Variants in RAB3IL1 observed in about 807,000 individuals in gnomAD.
RAB3IL1 encodes RAB3A interacting protein like 1, also known as guanine nucleotide exchange factor for Rab-3A.
RAB3IL1 carries 37 observed loss-of-function variants against 49.2 expected under a neutral mutation model. The observed-to-expected ratio is 0.75, with a 90% CI of 0.58 to 0.99. RAB3IL1 has a LOEUF of 0.99. Among genes scored for constraint, RAB3IL1 ranks in the 50% least tolerant of loss-of-function variants. RAB3IL1 has a pLI of 0.00. For missense variants in RAB3IL1, 484 were observed against 513.0 expected, an observed-to-expected ratio of 0.94 and a Z score of 0.55; for synonymous variants, 193 against 213.9, an observed-to-expected ratio of 0.90 and a Z score of 0.85.
chr11:61,935,435 A>AAG, the RAB3IL1 span, among the ~76,000 whole-genome samples: 9 of 144,924 alleles, frequency 6.2e-5, no homozygotes, highest in Non-Finnish European at 1.1e-4. Flanking sequence ...AAAAAAAAAA[A>AAG]AAAGAAAGAA....
chr11:61,934,450 G>GTGTATGTATGTATATATATA, the RAB3IL1 span, among the ~76,000 whole-genome samples: 100 of 31,278 alleles, frequency 3.2e-3, 2 homozygotes, highest in Non-Finnish European at 3.8e-3. Flanking sequence ...GTGTGTGTAT[G>GTGTATGTATGTATATATATA]TATATATATA....
chr11:61,914,910 G>C (rs1391695202), intron 1 of RAB3IL1, among the ~76,000 whole-genome samples: 4 of 152,180 alleles, frequency 2.6e-5, no homozygotes, highest in Non-Finnish European at 5.9e-5. Flanking sequence ...ATCAGACTTG[G>C]TCAGAGTAAC....
At chr11:61,917,235 C>CG in intron 1 of RAB3IL1, 122 bp downstream of exon 1, 1 of 1,278,430 alleles carries the variant, frequency 7.8e-7, no homozygotes. Flanking sequence ...GCAGGCAGGG[C>CG]GGGGGCGCAC....
At chr11:61,926,035 A>C in the RAB3IL1 span, among the ~76,000 whole-genome samples, 1 of 145,382 alleles carries the variant, frequency 6.9e-6, no homozygotes, top group South Asian at 2.2e-4. Context: ...TTTTGAAGAG[A>C]TCTTAACAGA....
At chr11:61,935,237 T>C in the RAB3IL1 span, among the ~76,000 whole-genome samples, 1 of 151,976 alleles carries the variant, frequency 6.6e-6, no homozygotes, top group African/African-American at 2.4e-5. Context: ...CTGGCCAAGA[T>C]GTTGAAACCC....
At chr11:61,920,085 AG>A, upstream of RAB3IL1, 1 of 1,308,608 alleles carries the variant, frequency 7.6e-7, no homozygotes, top group Non-Finnish European at 9.8e-7. Flanking sequence ...CCTCAAGTAC[AG>A]GGCACAGGCC....
intron 1 of RAB3IL1, among the ~76,000 whole-genome samples, chr11:61,914,464 AG>A (rs1169073462): frequency 3.9e-5 from 6 of 152,378 alleles, no homozygotes; most frequent in African/African-American, 1.4e-4. Flanking sequence ...TGTTAGATAC[AG>A]AAGTACTCAA....
the RAB3IL1 span, among the ~76,000 whole-genome samples, chr11:61,932,769 A>ATT: frequency 0.084 from 11,300 of 133,948 alleles, 1,117 homozygotes; most frequent in East Asian, 0.53. Context: ...ACTATAGTTC[A>ATT]TTTTTTTTTT....
At chr11:61,904,984 G>T in intron 5 of RAB3IL1, 102 bp from the exon 6 acceptor site, 1 of 859,922 alleles carries the variant, frequency 1.2e-6, no homozygotes, top group Non-Finnish European at 1.8e-6. Context: ...CGTGGGGCAG[G>T]CCCAGCAAGC....
chr11:61,942,572 C>T, the RAB3IL1 span, among the ~76,000 whole-genome samples: 2 of 152,124 alleles, frequency 1.3e-5, no homozygotes, highest in South Asian at 2.1e-4. Context: ...CTGCACCTGG[C>T]AAATTATGAC....
chr11:61,911,761 C>A (rs977972328), intron 1 of RAB3IL1, among the ~76,000 whole-genome samples: 1 of 152,192 alleles, frequency 6.6e-6, no homozygotes, highest in Non-Finnish European at 1.5e-5. Context: ...ACCCAGCCAA[C>A]ATCCCCCATC....
chr11:61,940,814 G>T, the RAB3IL1 span, among the ~76,000 whole-genome samples: 1 of 152,086 alleles, frequency 6.6e-6, no homozygotes, highest in East Asian at 1.9e-4. Context: ...CAGCTACTCA[G>T]GAGGCTGAGG....
rs1308612956 is a variant in RAB3IL1 at position 61,902,432 on chromosome 11, G to C, written c.999+10C>G. On this transcript the variant is annotated intron_variant, in intron 8 of 9. Transcript: ENST00000394836. ...AAGGAGTCAAGTAACGCTTGCAAAG[G>C]CTGACTCACCCTGGCCCGGGAAGAT... The C allele has an allele frequency of 6.3e-7, 1 of 1,578,482 alleles. No homozygotes were observed. Among genetic ancestry groups the C allele is most frequent in the Non-Finnish European group, 8.6e-7 (1 of 1,163,112 alleles).
upstream of RAB3IL1, among the ~76,000 whole-genome samples, chr11:61,922,539 A>T (rs951078147): frequency 4.0e-5 from 6 of 151,814 alleles, no homozygotes; most frequent in Non-Finnish European, 7.4e-5. Context: ...AAAAAAAAGA[A>T]GAAGAAGATA....
At chr11:61,905,125 C>G (rs1322925378) in intron 5 of RAB3IL1, among the ~76,000 whole-genome samples, 1 of 152,218 alleles carries the variant, frequency 6.6e-6, no homozygotes, top group Non-Finnish European at 1.5e-5. Flanking sequence ...TTTCTTGGCG[C>G]TACTGGATTT....
At chr11:61,899,293 C>T (rs544734894) in intron 9 of RAB3IL1, 21 bp downstream of exon 9, 27 of 1,599,810 alleles carry the variant, frequency 1.7e-5, no homozygotes, top group Admixed American at 8.4e-5. Context: ...ATCCCTGCAC[C>T]GGCCACCAGG....
the RAB3IL1 span, among the ~76,000 whole-genome samples, chr11:61,935,275 C>T: frequency 6.6e-6 from 1 of 151,882 alleles, no homozygotes; most frequent in African/African-American, 2.4e-5. Flanking sequence ...CAAAAATTAG[C>T]TGGGTGTGGT....
chr11:61,907,249 C>T, intron 4 of RAB3IL1, 144 bp downstream of exon 4: 1 of 807,554 alleles, frequency 1.2e-6, no homozygotes, highest in Non-Finnish European at 2.0e-6. Context: ...CCTTCCCTTC[C>T]CTCCCTGGGC....
chr11:61,911,891 C>T (rs940877978), intron 1 of RAB3IL1, among the ~76,000 whole-genome samples: 1 of 152,142 alleles, frequency 6.6e-6, no homozygotes, highest in African/African-American at 2.4e-5. Flanking sequence ...CCTCACCCCA[C>T]CAGGCCCACC....
Sources: gnomAD v4.1 joint callset for allele counts (sites outside exome capture counted in the v4.1 genomes callset) on GRCh38, gnomAD v4.1.1 for gene constraint, MANE v1.5 for transcripts, NCBI Gene and HGNC (gene_info 2026-07-23, HGNC 2026-07-21) for gene names.